Variants in DIS3L2 observed in about 807,000 individuals in gnomAD.
DIS3L2 encodes DIS3-like exonuclease 2.
DIS3L2 carries 34 observed loss-of-function variants against 97.5 expected under a neutral mutation model. The observed-to-expected ratio is 0.35, with a 90% CI of 0.27 to 0.46. DIS3L2 has a LOEUF of 0.46. Among genes scored for constraint, DIS3L2 ranks in the 20% least tolerant of loss-of-function variants. The pLI, the probability that DIS3L2 is intolerant of heterozygous loss-of-function variation, is 1.00. For synonymous variants in DIS3L2, 435 were observed against 445.2 expected (o/e 0.98, Z 0.29); for missense variants, 1,038 against 1,146.0 (o/e 0.91, Z 1.36).
intron 5 of DIS3L2, among the ~76,000 whole-genome samples, chr2:232,031,679 A>G (rs1177538752): frequency 3.3e-5 from 5 of 151,454 alleles, no homozygotes; most frequent in African/African-American, 9.7e-5. Flanking sequence ...GCCCCATTGT[A>G]TGTGATGTTC....
At chr2:232,128,451 A>ATAAT (rs1698129489) in intron 6 of DIS3L2, among the ~76,000 whole-genome samples, 1 of 71,676 alleles carries the variant, frequency 1.4e-5, no homozygotes, top group Non-Finnish European at 2.4e-5. Flanking sequence ...AACTTTGCTA[A>ATAAT]TTTTTTTTTT....
At chr2:232,336,024 A>T in intron 20 of DIS3L2, 150 bp downstream of exon 20, 1 of 1,523,050 alleles carries the variant, frequency 6.6e-7, no homozygotes, top group South Asian at 1.3e-5. Context: ...CAGCTCACCC[A>T]GACCCCCTCC....
At chr2:232,130,503 T>G in intron 6 of DIS3L2, 116 bp from the exon 7 acceptor site, 1 of 1,251,054 alleles carries the variant, frequency 8.0e-7, no homozygotes. Flanking sequence ...TTCTGTAAAG[T>G]GAGTAGTTTG....
intron 5 of DIS3L2, among the ~76,000 whole-genome samples, chr2:232,081,883 G>C (rs2106300683): frequency 6.6e-6 from 1 of 152,298 alleles, no homozygotes; most frequent in Non-Finnish European, 1.5e-5. Context: ...TTTGCCTCCG[G>C]GTTCAAGTTA....
At chr2:231,994,122 C>T (rs769842013) in intron 1 of DIS3L2, among the ~76,000 whole-genome samples, 70 of 148,936 alleles carry the variant, frequency 4.7e-4, no homozygotes, top group Non-Finnish European at 8.3e-4. Context: ...GTTGTTCCAG[C>T]ACTATTTGTT....
intron 6 of DIS3L2, among the ~76,000 whole-genome samples, chr2:232,125,121 T>C (rs3116168): frequency 0.71 from 107,684 of 152,224 alleles, 39,243 homozygotes; most frequent in African/African-American, 0.79. Context: ...CTCGTCCCAT[T>C]CACCTAGCTA....
chr2:232,155,825 C>T (rs1029576162), intron 8 of DIS3L2, among the ~76,000 whole-genome samples: 2 of 151,970 alleles, frequency 1.3e-5, no homozygotes, highest in African/African-American at 4.8e-5. Context: ...CCCGTCTCTA[C>T]TAAAAATACA....
At chr2:231,978,627 A>T (rs1425102232) in intron 1 of DIS3L2, 8 of 152,234 alleles carry the variant, frequency 5.3e-5, no homozygotes, top group Non-Finnish European at 1.2e-4. Context: ...CCTTTAAGGC[A>T]TTCTGTCTCC....
chr2:232,148,142 T>C (rs1224765240), intron 8 of DIS3L2, among the ~76,000 whole-genome samples: 1 of 148,260 alleles, frequency 6.7e-6, no homozygotes, highest in African/African-American at 2.5e-5. Context: ...CTCTGCTTCC[T>C]GGGTTCAAGC....
intron 10 of DIS3L2, among the ~76,000 whole-genome samples, chr2:232,224,129 TA>T (rs1191384044): frequency 7.2e-5 from 11 of 152,260 alleles, no homozygotes; most frequent in African/African-American, 2.4e-4. Context: ...GCTGAAATAA[TA>T]AATGTTCAGC....
intron 5 of DIS3L2, among the ~76,000 whole-genome samples, chr2:232,044,217 G>A (rs1367468095): frequency 6.6e-6 from 1 of 152,128 alleles, no homozygotes; most frequent in African/African-American, 2.4e-5. Context: ...AGGTGACATA[G>A]TCACATTGTA....
Position 232,005,249 on chromosome 2 carries a change from T to C in DIS3L2, c.-93-9586T>C, listed in dbSNP as rs1213694470. 2.7e-5 allele frequency among the ~76,000 whole-genome samples: 4 copies of C among 150,640 alleles called. No individual in the cohort carries two copies. In the Admixed American group the frequency reaches 2.7e-4, roughly 10 times the overall value. On this transcript the variant is annotated intron_variant, in intron 1 of 20. Coordinates refer to ENST00000325385, the MANE Select transcript of DIS3L2 (RefSeq NM_152383.5). ...GGTTCAGATTGCGTCTTGTCTCCTGTAGGCTTAAATCTCATTTGAAATCTC... is the reference window on the plus strand; with the variant it reads ...GGTTCAGATTGCGTCTTGTCTCCTGCAGGCTTAAATCTCATTTGAAATCTC...
intron 1 of DIS3L2, among the ~76,000 whole-genome samples, chr2:232,008,725 T>G (rs1694117225): frequency 6.6e-6 from 1 of 152,104 alleles, no homozygotes; most frequent in African/African-American, 2.4e-5. Flanking sequence ...ACTTGAATTT[T>G]CCCCTGGTGC....
chr2:232,115,341 A>T (rs1333335847), intron 6 of DIS3L2, among the ~76,000 whole-genome samples: 1 of 152,148 alleles, frequency 6.6e-6, no homozygotes, highest in Non-Finnish European at 1.5e-5. Context: ...TCTGACAATT[A>T]TTTGGAATCA....
At chr2:232,004,799 C>T (rs765029917) in intron 1 of DIS3L2, among the ~76,000 whole-genome samples, 18 of 152,142 alleles carry the variant, frequency 1.2e-4, no homozygotes, top group Non-Finnish European at 2.4e-4. Flanking sequence ...CCAGGCTGCT[C>T]TTGAATTCCT....
At chr2:232,271,913 T>C (rs1694016445) in intron 13 of DIS3L2, among the ~76,000 whole-genome samples, 1 of 152,240 alleles carries the variant, frequency 6.6e-6, no homozygotes, top group Admixed American at 6.5e-5. Flanking sequence ...TCCATGGTTA[T>C]GCATCCCAAG....
intron 1 of DIS3L2, among the ~76,000 whole-genome samples, chr2:231,977,767 T>G (rs2106173698): frequency 6.6e-6 from 1 of 152,306 alleles, no homozygotes; most frequent in East Asian, 1.9e-4. Context: ...TTCAAATGGG[T>G]TTCATGGAAT....
At chr2:232,109,665 G>C (rs1697465296) in intron 6 of DIS3L2, among the ~76,000 whole-genome samples, 1 of 151,990 alleles carries the variant, frequency 6.6e-6, no homozygotes, top group Non-Finnish European at 1.5e-5. Context: ...GGGAGAACTG[G>C]CAGAAAATTG....
chr2:232,068,619 G>C (rs1014590922), intron 5 of DIS3L2, among the ~76,000 whole-genome samples: 1 of 151,532 alleles, frequency 6.6e-6, no homozygotes, highest in Non-Finnish European at 1.5e-5. Flanking sequence ...TTTATATGAG[G>C]GTGGTAATTA....
Sources: allele counts gnomAD v4.1 joint callset (sites outside exome capture counted in the v4.1 genomes callset), GRCh38; gene constraint gnomAD v4.1.1; transcripts MANE v1.5; gene names NCBI Gene and HGNC (gene_info 2026-07-23, HGNC 2026-07-21).